IPCEF1: variants seen among roughly 807,000 people sequenced by gnomAD.
IPCEF1 encodes interactor protein for cytohesin exchange factors 1.
A neutral mutation model predicts 50.9 loss-of-function variants in IPCEF1; 31 were observed. The ratio of observed to expected loss-of-function variants is 0.61; its 90% CI spans 0.46 to 0.82. The LOEUF (loss-of-function observed/expected upper bound fraction) is 0.82. IPCEF1 is among the 40% of genes least tolerant of loss of function. The pLI is 0.00. For missense variants in IPCEF1, 458 were observed against 514.0 expected, an observed-to-expected ratio of 0.89 and a Z score of 1.05; for synonymous variants, 181 against 192.0, an observed-to-expected ratio of 0.94 and a Z score of 0.47.
chr6:154,327,388 A>G (rs1783548068), intron 1 of IPCEF1, among the ~76,000 whole-genome samples: 1 of 152,234 alleles, frequency 6.6e-6, no homozygotes. Context: ...AAACAAGCCC[A>G]TTAAAAAGTA....
chr6:154,218,551 T>C (rs1323627165), intron 7 of IPCEF1, among the ~76,000 whole-genome samples: 1 of 152,150 alleles, frequency 6.6e-6, no homozygotes, highest in East Asian at 1.9e-4. Flanking sequence ...TCTTACCAAG[T>C]AATACCCAGA....
chr6:154,205,971 C>T lies in IPCEF1; in HGVS notation c.538-5931G>A, dbSNP rs73567159. 3.6e-3 allele frequency among the ~76,000 whole-genome samples: 541 copies of T among 152,202 alleles called. 4 individuals are homozygous for T. Among genetic ancestry groups the T allele is most frequent in the African/African-American group, 0.012 (519 of 41,528 alleles). On this transcript the variant is annotated intron_variant, in intron 9 of 11. Coordinates refer to ENST00000367220, the MANE Select transcript of IPCEF1 (RefSeq NM_001130700.2). Reference sequence around the variant, plus strand: ...CAGCCTTCCCCAGCTGCTGCTAGGCCTGAAACTAATGGCTTACATCTGAGG... The same window carrying T: ...CAGCCTTCCCCAGCTGCTGCTAGGCTTGAAACTAATGGCTTACATCTGAGG...
At chr6:154,176,444 C>T (rs150642924) in intron 10 of IPCEF1, among the ~76,000 whole-genome samples, 10,085 of 152,282 alleles carry the variant, frequency 0.066, 459 homozygotes, top group Middle Eastern at 0.11. Flanking sequence ...AGCCCAAAAT[C>T]TCCTTAAGCT....
At chr6:154,324,922 T>G (rs2128689730) in intron 1 of IPCEF1, among the ~76,000 whole-genome samples, 1 of 152,070 alleles carries the variant, frequency 6.6e-6, no homozygotes, top group African/African-American at 2.4e-5. Flanking sequence ...CCATACAAAG[T>G]CAAAAGACAA....
chr6:154,204,922 A>G (rs777060227), intron 9 of IPCEF1, among the ~76,000 whole-genome samples: 40 of 151,504 alleles, frequency 2.6e-4, no homozygotes, highest in Non-Finnish European at 2.4e-4. Flanking sequence ...CTCCTTCTCC[A>G]CTCCTTTCTA....
At position 154,267,806 on chromosome 6, in the gene IPCEF1, TC is replaced by T. The variant is rs1781796464; in HGVS notation, c.-17-1843del. On this transcript the variant is annotated intron_variant, in intron 2 of 11. Transcript: ENST00000367220. Reference sequence around the variant, plus strand: ...AGGAGGCCCTGGAATGGGTTGCTCCTCCTTGCAGGTGGTAGTCCCAATGTCT... The same window carrying T: ...AGGAGGCCCTGGAATGGGTTGCTCCTCTTGCAGGTGGTAGTCCCAATGTCT... 2.0e-5 allele frequency among the ~76,000 whole-genome samples: 3 copies of T among 152,302 alleles called. No individual in the cohort carries two copies. In the South Asian group the frequency reaches 6.2e-4, roughly 32 times the overall value.
intron 5 of IPCEF1, among the ~76,000 whole-genome samples, chr6:154,229,435 C>T (rs1367089147): frequency 3.3e-5 from 5 of 150,526 alleles, no homozygotes; most frequent in Admixed American, 6.6e-5. Flanking sequence ...CTGCAAGCTC[C>T]GCCTCCTGGG....
intron 1 of IPCEF1, among the ~76,000 whole-genome samples, chr6:154,290,893 CTT>C (rs3045866): frequency 4.7e-5 from 6 of 127,262 alleles, no homozygotes; most frequent in Admixed American, 8.4e-5. Flanking sequence ...AATATATTGC[CTT>C]TTTTTTTTTT....
chr6:154,249,145 A>G (rs548631222), intron 3 of IPCEF1, among the ~76,000 whole-genome samples: 65 of 152,308 alleles, frequency 4.3e-4, no homozygotes, highest in South Asian at 4.1e-3. Flanking sequence ...TAATCATGGC[A>G]TGTTACTAAA....
At chr6:154,304,573 G>T (rs1208385904) in intron 1 of IPCEF1, among the ~76,000 whole-genome samples, 1 of 152,104 alleles carries the variant, frequency 6.6e-6, no homozygotes, top group Non-Finnish European at 1.5e-5. Flanking sequence ...CTGAATGAAG[G>T]TTTGCTTGTA....
chr6:154,192,194 T>C (rs1801949376), intron 10 of IPCEF1, among the ~76,000 whole-genome samples: 2 of 152,316 alleles, frequency 1.3e-5, no homozygotes, highest in South Asian at 4.1e-4. Context: ...CAAATTGCTT[T>C]CTAAATTGGT....
chr6:154,310,782 A>T (rs1783058366), intron 1 of IPCEF1, among the ~76,000 whole-genome samples: 1 of 151,596 alleles, frequency 6.6e-6, no homozygotes, highest in Non-Finnish European at 1.5e-5. Flanking sequence ...TCTCACTTAT[A>T]TGTGGAATCT....
chr6:154,199,293 A>C (rs1474605109), intron 10 of IPCEF1, among the ~76,000 whole-genome samples: 1 of 152,236 alleles, frequency 6.6e-6, no homozygotes, highest in Non-Finnish European at 1.5e-5. Context: ...TTGAACTATC[A>C]AGGTGATGTT....
intron 1 of IPCEF1, among the ~76,000 whole-genome samples, chr6:154,353,667 G>A (rs776105435): frequency 1.1e-4 from 17 of 152,116 alleles, no homozygotes; most frequent in Non-Finnish European, 2.1e-4. Flanking sequence ...TGAAAAATCT[G>A]GGAAGAAAAT....
chr6:154,335,630 G>A (rs992506932), intron 1 of IPCEF1, among the ~76,000 whole-genome samples: 1 of 152,086 alleles, frequency 6.6e-6, no homozygotes, highest in African/African-American at 2.4e-5. Flanking sequence ...GAGCCCAGGA[G>A]TTGAAGACGA....
At chr6:154,342,087 C>T (rs190418401) in intron 1 of IPCEF1, among the ~76,000 whole-genome samples, 50 of 152,276 alleles carry the variant, frequency 3.3e-4, no homozygotes, top group Middle Eastern at 3.4e-3. Context: ...AGGCCTCAGG[C>T]GTCTCCCGAG....
At chr6:154,273,817 C>T in intron 2 of IPCEF1, among the ~76,000 whole-genome samples, 1 of 134,042 alleles carries the variant, frequency 7.5e-6, no homozygotes, top group South Asian at 2.4e-4. Context: ...GCAGTGGCGC[C>T]ATCTCGGCTC....
At chr6:154,322,402 A>ACACACACACC (rs1554224662) in intron 1 of IPCEF1, among the ~76,000 whole-genome samples, 1 of 94,418 alleles carries the variant, frequency 1.1e-5, no homozygotes, top group African/African-American at 3.1e-5. Context: ...ACACACACAC[A>ACACACACACC]CCCCTATGTT....
At chr6:154,167,623 T>C (rs1352984962) in intron 11 of IPCEF1, among the ~76,000 whole-genome samples, 1 of 152,204 alleles carries the variant, frequency 6.6e-6, no homozygotes, top group East Asian at 1.9e-4. Context: ...GTATAAGGGT[T>C]AAAAAACAAA....
Sources: gnomAD v4.1 joint callset for allele counts (sites outside exome capture counted in the v4.1 genomes callset) on GRCh38, gnomAD v4.1.1 for gene constraint, MANE v1.5 for transcripts, NCBI Gene and HGNC (gene_info 2026-07-23, HGNC 2026-07-21) for gene names.